Variants in DOCK7 observed in about 807,000 individuals in gnomAD.
The protein encoded by DOCK7 is dedicator of cytokinesis 7, also known as dedicator of cytokinesis protein 7.
A neutral mutation model predicts 271.0 loss-of-function variants in DOCK7; 138 were observed. That is an observed-to-expected ratio of 0.51 (90% CI 0.44 to 0.59). The LOEUF is 0.59. DOCK7 is among the 20% of genes least tolerant of loss of function. The pLI is 0.00. For missense variants in DOCK7, 2,066 were observed against 2,592.4 expected, an observed-to-expected ratio of 0.80 and a Z score of 4.41; for synonymous variants, 823 against 876.1, an observed-to-expected ratio of 0.94 and a Z score of 1.07.
chr1:62,599,670 C>T (rs998766224), intron 14 of DOCK7, among the ~76,000 whole-genome samples: 33 of 151,950 alleles, frequency 2.2e-4, no homozygotes, highest in African/African-American at 7.7e-4. Context: ...ACACAGTAGG[C>T]ATTTCTGTTG....
chr1:62,562,979 TAC>T, intron 18 of DOCK7, among the ~76,000 whole-genome samples: 1 of 152,286 alleles, frequency 6.6e-6, no homozygotes, highest in African/African-American at 2.4e-5. Context: ...CAACTCATGC[TAC>T]ACACATTGAG....
chr1:62,535,650 A>G lies in DOCK7; in HGVS notation c.3472-18T>C, dbSNP rs764553357. Reference sequence around the variant, plus strand: ...CCAGAACTCTGTTGGAAAGTGAGGCAGAACAAGACTATAACAGCAGTGCAA... The same window carrying G: ...CCAGAACTCTGTTGGAAAGTGAGGCGGAACAAGACTATAACAGCAGTGCAA... On this transcript the variant is annotated intron_variant, in intron 28 of 49. Coordinates refer to ENST00000635253, the MANE Select transcript of DOCK7 (RefSeq NM_001367561.1). 3.1e-6 allele frequency: 5 copies of G among 1,610,654 alleles called. No homozygotes were observed. The African/African-American group carries it at 5.3e-5, about 17-fold the overall frequency.
At position 62,477,714 on chromosome 1, in the gene DOCK7, A is replaced by C; in HGVS notation, c.5620T>G (p.Ser1874Ala). The C allele has an allele frequency of 1.2e-6, 2 of 1,605,182 alleles. No homozygotes were observed. Among genetic ancestry groups the C allele is most frequent in the Non-Finnish European group, 1.7e-6 (2 of 1,177,400 alleles). ...EPAITKLAEI[S>A]HRLEGFYGER... ...ACAGCATTCACCTCCAATCTGTGAGATATCTCTGCAAGTTTGGTTATTGCA... is the reference window on the plus strand; with the variant it reads ...ACAGCATTCACCTCCAATCTGTGAGCTATCTCTGCAAGTTTGGTTATTGCA... The change falls in exon 44 of 50, where the codon TCT becomes GCT. Residue 1874 changes from serine (S) to alanine (A), a missense_variant. Ser to Ala is a moderately conservative substitution (Grantham distance 99). Around this residue, in one of 2 missense-constraint regions of DOCK7, gnomAD observed 652 missense variants for 922.1 expected, o/e 0.71. Transcript: ENST00000635253.
chr1:62,616,931 G>C (rs1194153852), intron 14 of DOCK7, among the ~76,000 whole-genome samples: 2 of 151,564 alleles, frequency 1.3e-5, no homozygotes, highest in African/African-American at 2.4e-5. Context: ...ATAGAATTTA[G>C]AATTTTATAC....
chr1:62,486,397 T>A (rs371399461), intron 43 of DOCK7: 2 of 152,234 alleles, frequency 1.3e-5, no homozygotes, highest in East Asian at 3.9e-4. Context: ...TCGATCAACA[T>A]AAATCTGACA....
intron 43 of DOCK7, chr1:62,482,172 T>C (rs148215805): frequency 1.1e-3 from 166 of 152,338 alleles, no homozygotes; most frequent in African/African-American, 3.7e-3. Context: ...TAGACACTGG[T>C]TAACCACTTT....
intron 1 of DOCK7, among the ~76,000 whole-genome samples, chr1:62,677,183 A>T (rs1395423638): frequency 6.6e-6 from 1 of 152,198 alleles, no homozygotes; most frequent in East Asian, 1.9e-4. Context: ...TTCTTTGGTA[A>T]GGAACTAATT....
At chr1:62,526,160 C>T (rs768174772) in intron 31 of DOCK7, among the ~76,000 whole-genome samples, 23 of 152,124 alleles carry the variant, frequency 1.5e-4, no homozygotes, top group Non-Finnish European at 2.5e-4. Flanking sequence ...AGGCTGGTCT[C>T]AAACTCCTGA....
intron 10 of DOCK7, among the ~76,000 whole-genome samples, chr1:62,631,859 C>T (rs575077123): frequency 1.1e-4 from 17 of 151,882 alleles, no homozygotes; most frequent in African/African-American, 1.9e-4. Flanking sequence ...TGGGGAAGCA[C>T]GAATAGGCCA....
intron 20 of DOCK7, among the ~76,000 whole-genome samples, chr1:62,557,941 G>A (rs1646200160): frequency 6.6e-6 from 1 of 151,774 alleles, no homozygotes; most frequent in Admixed American, 6.6e-5. Context: ...TTGTCTCCCT[G>A]CCTGTAGGTT....
chr1:62,606,186 G>T (rs921763323), intron 14 of DOCK7: 1 of 151,690 alleles, frequency 6.6e-6, no homozygotes, highest in Non-Finnish European at 1.5e-5. Context: ...CTAAGCTGTC[G>T]AAATTAACGC....
chr1:62,551,645 A>G (rs1263111381), intron 22 of DOCK7, among the ~76,000 whole-genome samples: 1 of 152,074 alleles, frequency 6.6e-6, no homozygotes, highest in Non-Finnish European at 1.5e-5. Context: ...TAGTGATTAC[A>G]ACTAAACTCA....
intron 48 of DOCK7, 68 bp downstream of exon 48, chr1:62,473,914 C>T (rs917594295): frequency 1.3e-5 from 17 of 1,301,478 alleles, no homozygotes; most frequent in Admixed American, 1.9e-5. Flanking sequence ...TTCCTTAAGG[C>T]CCTTATGTCA....
chr1:62,477,438 G>A (rs892742137), intron 44 of DOCK7, among the ~76,000 whole-genome samples: 1 of 152,152 alleles, frequency 6.6e-6, no homozygotes, highest in African/African-American at 2.4e-5. Flanking sequence ...TCTCCGTTAA[G>A]TCGCAGTAAT....
intron 14 of DOCK7, among the ~76,000 whole-genome samples, chr1:62,616,727 CTAAA>C (rs530013776): frequency 8.2e-4 from 125 of 151,668 alleles, no homozygotes; most frequent in African/African-American, 2.9e-3. Context: ...CTATAAAGCA[CTAAA>C]TAAATGTCAT....
At chr1:62,462,914 C>CTTTTTTT (rs34400688) in intron 48 of DOCK7, among the ~76,000 whole-genome samples, 5 of 79,368 alleles carry the variant, frequency 6.3e-5, no homozygotes, top group African/African-American at 9.8e-5. Context: ...GTAGAAAAAG[C>CTTTTTTT]TTTTTTTTTT....
intron 1 of DOCK7, among the ~76,000 whole-genome samples, chr1:62,668,789 GGAGGC>G (rs1431949769): frequency 6.6e-6 from 1 of 151,882 alleles, no homozygotes; most frequent in African/African-American, 2.4e-5. Context: ...TAGCTACTTG[GGAGGC>G]TGAGGTGGGA....
At chr1:62,581,187 A>G (rs776418273) in intron 16 of DOCK7, among the ~76,000 whole-genome samples, 1 of 152,196 alleles carries the variant, frequency 6.6e-6, no homozygotes, top group Non-Finnish European at 1.5e-5. Flanking sequence ...TTAGGAGGTA[A>G]TATTTGATAT....
chr1:62,642,113 C>CTT (rs34048472), intron 7 of DOCK7, among the ~76,000 whole-genome samples: 47 of 139,442 alleles, frequency 3.4e-4, no homozygotes, highest in Non-Finnish European at 6.1e-4. Flanking sequence ...TTTACTTTTT[C>CTT]TTTTTTTTTT....
Sources: gnomAD v4.1 joint callset for allele counts (sites outside exome capture counted in the v4.1 genomes callset) on GRCh38, gnomAD v4.1.1 for gene constraint, gnomAD v4.1.1 regional missense constraint, MANE v1.5 for transcripts, NCBI Gene and HGNC (gene_info 2026-07-23, HGNC 2026-07-21) for gene names.